RTL4: variants seen among roughly 807,000 people sequenced by gnomAD.
RTL4 encodes the protein retrotransposon Gag like 4, also known as retrotransposon Gag-like protein 4.
RTL4 carries 4 observed loss-of-function variants against 5.3 expected under a neutral mutation model. The observed-to-expected ratio is 0.75, with a 90% CI of 0.37 to 1.72. RTL4 has a LOEUF of 1.72. RTL4 is among the 40% of genes most tolerant of loss of function. RTL4 has a pLI of 0.04. For missense variants in RTL4, 260 were observed against 227.1 expected (o/e 1.14, Z -0.93); for synonymous variants, 98 against 87.3 (o/e 1.12, Z -0.68).
the RTL4 span, among the ~76,000 whole-genome samples, chrX:112,447,018 G>A: frequency 5.4e-5 from 6 of 111,748 alleles, no homozygotes; most frequent in African/African-American, 2.0e-4. Flanking sequence ...TAGGCCCTGG[G>A]AATACAGAAA....
At chrX:112,121,410 G>T in the RTL4 span, among the ~76,000 whole-genome samples, 1 of 111,737 alleles carries the variant, frequency 8.9e-6, no homozygotes, top group Non-Finnish European at 1.9e-5. Flanking sequence ...TTCTAGAAAA[G>T]TATAAATTAT....
chrX:112,244,660 T>C, the RTL4 span, among the ~76,000 whole-genome samples: 32 of 112,173 alleles, frequency 2.9e-4, no homozygotes, highest in Non-Finnish European at 5.6e-4. Context: ...TTTGCCAGTC[T>C]GTGTCTTTTA....
At chrX:112,310,608 A>G in the RTL4 span, among the ~76,000 whole-genome samples, 1 of 56,807 alleles carries the variant, frequency 1.8e-5, no homozygotes, top group African/African-American at 7.9e-5. Context: ...ATATATATTT[A>G]TATATATTTA....
At chrX:112,122,952 A>C in the RTL4 span, among the ~76,000 whole-genome samples, 16 of 111,487 alleles carry the variant, frequency 1.4e-4, no homozygotes, top group East Asian at 3.9e-3. Flanking sequence ...GTTAATTAGG[A>C]GAAACTTGCT....
chrX:112,252,349 C>A, the RTL4 span, among the ~76,000 whole-genome samples: 1 of 112,079 alleles, frequency 8.9e-6, no homozygotes, highest in African/African-American at 3.2e-5. Context: ...TTTGCTTTAC[C>A]ACTTTCAATG....
the RTL4 span, among the ~76,000 whole-genome samples, chrX:112,253,246 T>C: frequency 9.2e-6 from 1 of 108,353 alleles, no homozygotes; most frequent in Non-Finnish European, 1.9e-5. Flanking sequence ...GTCAAAGAAG[T>C]GGCTGCCTGA....
At chrX:112,186,253 G>C in the RTL4 span, among the ~76,000 whole-genome samples, 1 of 111,785 alleles carries the variant, frequency 8.9e-6, no homozygotes, top group African/African-American at 3.3e-5. Context: ...ATTCTAACTT[G>C]GTGTAATATA....
the RTL4 span, among the ~76,000 whole-genome samples, chrX:112,229,810 C>A: frequency 8.9e-6 from 1 of 112,139 alleles, no homozygotes; most frequent in African/African-American, 3.2e-5. Flanking sequence ...ACCCTGTTTG[C>A]CTGGGTATCA....
At chrX:112,134,210 C>T in the RTL4 span, among the ~76,000 whole-genome samples, 1 of 111,780 alleles carries the variant, frequency 8.9e-6, no homozygotes, top group African/African-American at 3.2e-5. Flanking sequence ...CTTTTAAATC[C>T]TCTACAACAC....
the RTL4 span, among the ~76,000 whole-genome samples, chrX:112,438,234 T>TC: frequency 0.5 from 55,209 of 109,552 alleles, 10,911 homozygotes; most frequent in African/African-American, 0.72. Flanking sequence ...GGCCAGGGAT[T>TC]CACTTCTAAG....
chrX:112,231,057 T>TA, the RTL4 span, among the ~76,000 whole-genome samples: 2 of 110,111 alleles, frequency 1.8e-5, no homozygotes, highest in Non-Finnish European at 3.8e-5. Context: ...TGGTGATCAT[T>TA]AAAAAGTCAG....
the RTL4 span, among the ~76,000 whole-genome samples, chrX:112,091,953 C>A: frequency 1.8e-5 from 2 of 111,045 alleles, no homozygotes; most frequent in African/African-American, 6.5e-5. Flanking sequence ...ATTAATTGAC[C>A]CTTTTACCAA....
chrX:112,432,254 G>C, the RTL4 span, among the ~76,000 whole-genome samples: 2 of 99,756 alleles, frequency 2.0e-5, no homozygotes, highest in Admixed American at 1.1e-4. Context: ...CCAGTAATGG[G>C]ATGGCTGGGT....
the RTL4 span, among the ~76,000 whole-genome samples, chrX:112,261,390 C>T: frequency 2.1e-5 from 2 of 97,213 alleles, no homozygotes; most frequent in African/African-American, 4.4e-5. Flanking sequence ...CATTCTTATA[C>T]ACCAATAGCA....
At chrX:112,170,464 G>A in the RTL4 span, among the ~76,000 whole-genome samples, 10 of 111,369 alleles carry the variant, frequency 9.0e-5, no homozygotes, top group East Asian at 5.7e-4. Flanking sequence ...GAGCTCCTTC[G>A]CTTCCCTTGT....
chrX:112,431,973 A>C, the RTL4 span, among the ~76,000 whole-genome samples: 1 of 100,662 alleles, frequency 9.9e-6, no homozygotes, highest in Non-Finnish European at 2.0e-5. Flanking sequence ...GAGTGAGAAT[A>C]TGCGGTGTTT....
the RTL4 span, among the ~76,000 whole-genome samples, chrX:112,137,126 G>A: frequency 2.7e-5 from 3 of 110,682 alleles, no homozygotes; most frequent in Admixed American, 2.9e-4. Flanking sequence ...AAATATATAG[G>A]AATTCCTAGA....
the RTL4 span, among the ~76,000 whole-genome samples, chrX:112,226,083 G>A: frequency 8.9e-6 from 1 of 112,236 alleles, no homozygotes; most frequent in Non-Finnish European, 1.9e-5. Flanking sequence ...CTGGATGGGC[G>A]AATGTGAGAG....
the RTL4 span, among the ~76,000 whole-genome samples, chrX:112,124,460 G>T: frequency 1.8e-5 from 2 of 111,940 alleles, no homozygotes; most frequent in African/African-American, 3.3e-5. Context: ...AAAAAATGTG[G>T]TACATATACA....
Sources: gnomAD v4.1 joint callset for allele counts (sites outside exome capture counted in the v4.1 genomes callset) on GRCh38, gnomAD v4.1.1 for gene constraint, MANE v1.5 for transcripts, NCBI Gene and HGNC (gene_info 2026-07-23, HGNC 2026-07-21) for gene names.